NELL1: variants seen among roughly 807,000 people sequenced by gnomAD.
NELL1 encodes neural EGFL like 1.
A neutral mutation model predicts 107.4 loss-of-function variants in NELL1; 76 were observed. The ratio of observed to expected loss-of-function variants is 0.71; its 90% CI spans 0.59 to 0.86. The LOEUF (loss-of-function observed/expected upper bound fraction) is 0.86. Ranked by LOEUF, NELL1 falls within the 40% of genes least tolerant of loss-of-function variation. The pLI is 0.00. For synonymous variants in NELL1, 353 were observed against 341.2 expected (o/e 1.03, Z -0.38); for missense variants, 1,024 against 1,005.5 (o/e 1.02, Z -0.25).
rs188854485 is a variant in NELL1, at chr11:21,418,776, A to G, written c.1645+47828A>G. Among the ~76,000 whole-genome samples, 5 of 152,256 alleles carry G rather than the reference A, an allele frequency of 3.3e-5. No individual in the cohort carries two copies. In the East Asian group the frequency reaches 5.8e-4, roughly 18 times the overall value. On this transcript the variant is annotated intron_variant, in intron 15 of 19. Transcript: ENST00000357134. Reference sequence around the variant, plus strand: ...AAGCTTTAAAGCCATTGCATAGTTCAGCTACCTCCTTTTTAAAAATCTGTG... The same window carrying G: ...AAGCTTTAAAGCCATTGCATAGTTCGGCTACCTCCTTTTTAAAAATCTGTG...
chr11:20,845,796 G>A (rs1340357459), intron 3 of NELL1, among the ~76,000 whole-genome samples: 1 of 151,958 alleles, frequency 6.6e-6, no homozygotes, highest in Admixed American at 6.6e-5. Flanking sequence ...TTTTTGGGGG[G>A]GCCGTGGGGA....
intron 3 of NELL1, among the ~76,000 whole-genome samples, chr11:20,813,428 ATAGT>A (rs1162548332): frequency 6.6e-6 from 1 of 151,952 alleles, no homozygotes; most frequent in South Asian, 2.1e-4. Flanking sequence ...CCCTGTAGAA[ATAGT>A]TAGTAGATAT....
At chr11:21,379,058 A>T (rs1851550896) in intron 15 of NELL1, among the ~76,000 whole-genome samples, 2 of 152,006 alleles carry the variant, frequency 1.3e-5, no homozygotes, top group African/African-American at 4.8e-5. Flanking sequence ...CCACTCAATT[A>T]ATCAGTTTTT....
intron 15 of NELL1, among the ~76,000 whole-genome samples, chr11:21,482,054 T>C (rs1854507603): frequency 6.6e-6 from 1 of 152,120 alleles, no homozygotes; most frequent in Non-Finnish European, 1.5e-5. Flanking sequence ...TGATAAATAA[T>C]AGAAATCTAC....
intron 12 of NELL1, among the ~76,000 whole-genome samples, chr11:21,010,605 C>G (rs1012793013): frequency 4.6e-5 from 7 of 152,074 alleles, no homozygotes; most frequent in African/African-American, 1.7e-4. Context: ...AGTGGTAATA[C>G]TCGCTGTCTA....
intron 14 of NELL1, among the ~76,000 whole-genome samples, chr11:21,370,544 A>G (rs1307606281): frequency 2.0e-5 from 3 of 152,062 alleles, no homozygotes. Flanking sequence ...TAGTTACTCA[A>G]TTTATTCTAT....
At chr11:20,683,472 C>G (rs1232471020) in intron 2 of NELL1, among the ~76,000 whole-genome samples, 1 of 151,992 alleles carries the variant, frequency 6.6e-6, no homozygotes, top group Non-Finnish European at 1.5e-5. Context: ...CTCCCACTCT[C>G]CCGCTGGAAG....
chr11:21,517,053 T>C (rs117745381), intron 15 of NELL1, among the ~76,000 whole-genome samples: 17,683 of 152,148 alleles, frequency 0.12, 1,148 homozygotes, highest in African/African-American at 0.16. Context: ...GCCCCCAAAG[T>C]GCTGGGATTA....
intron 7 of NELL1, among the ~76,000 whole-genome samples, chr11:20,923,641 T>C (rs541792331): frequency 2.0e-4 from 30 of 152,296 alleles, no homozygotes; most frequent in African/African-American, 6.3e-4. Flanking sequence ...TGTAATCCCA[T>C]TCTGACTTCA....
chr11:20,948,335 G>A (rs1851005778), intron 11 of NELL1, among the ~76,000 whole-genome samples: 2 of 151,964 alleles, frequency 1.3e-5, no homozygotes, highest in Non-Finnish European at 2.9e-5. Context: ...GTACAGGCAT[G>A]AGCCACCATG....
At chr11:21,308,440 T>C (rs1849656025) in intron 14 of NELL1, among the ~76,000 whole-genome samples, 1 of 152,020 alleles carries the variant, frequency 6.6e-6, no homozygotes, top group African/African-American at 2.4e-5. Context: ...TGCATTTCTT[T>C]CTCAATTTAA....
chr11:20,879,410 G>A (rs953842354), intron 4 of NELL1, among the ~76,000 whole-genome samples: 1 of 152,152 alleles, frequency 6.6e-6, no homozygotes, highest in Non-Finnish European at 1.5e-5. Flanking sequence ...CTTAAAAATA[G>A]GGCCTCTGCT....
At chr11:21,269,385 C>T (rs2133932642) in intron 14 of NELL1, among the ~76,000 whole-genome samples, 1 of 151,944 alleles carries the variant, frequency 6.6e-6, no homozygotes, top group Admixed American at 6.6e-5. Flanking sequence ...CTCACACACA[C>T]ACACACAGAG....
intron 2 of NELL1, among the ~76,000 whole-genome samples, chr11:20,781,646 A>C (rs1192858449): frequency 6.6e-6 from 1 of 152,202 alleles, no homozygotes; most frequent in Admixed American, 6.5e-5. Context: ...AAGAAGAAAA[A>C]AGTAAAAAGT....
intron 15 of NELL1, among the ~76,000 whole-genome samples, chr11:21,424,054 A>G (rs1311971639): frequency 1.3e-5 from 2 of 152,230 alleles, no homozygotes; most frequent in Admixed American, 1.3e-4. Flanking sequence ...ACCTAACTTT[A>G]TAACTTCAGG....
At chr11:20,696,093 G>T (rs1183105155) in intron 2 of NELL1, among the ~76,000 whole-genome samples, 2 of 152,058 alleles carry the variant, frequency 1.3e-5, no homozygotes, top group African/African-American at 4.8e-5. Flanking sequence ...AGTCTCTGAG[G>T]ATCTTTTGTA....
At chr11:21,574,533 G>A (rs964738517) in intron 19 of NELL1, among the ~76,000 whole-genome samples, 1 of 151,794 alleles carries the variant, frequency 6.6e-6, no homozygotes, top group Non-Finnish European at 1.5e-5. Flanking sequence ...GAGATTTTAT[G>A]CAAACCTTAC....
intron 13 of NELL1, among the ~76,000 whole-genome samples, chr11:21,161,385 A>G (rs1033153479): frequency 6.6e-6 from 1 of 152,120 alleles, no homozygotes. Flanking sequence ...AAAAATACAA[A>G]ACTTAGCTGG....
At chr11:21,223,437 T>C (rs188332497) in intron 13 of NELL1, among the ~76,000 whole-genome samples, 3 of 152,292 alleles carry the variant, frequency 2.0e-5, no homozygotes, top group Admixed American at 2.0e-4. Flanking sequence ...ATCCCTTTAC[T>C]TTTAGATGGT....
Sources: allele counts gnomAD v4.1 joint callset (sites outside exome capture counted in the v4.1 genomes callset), GRCh38; gene constraint gnomAD v4.1.1; transcripts MANE v1.5; gene names NCBI Gene and HGNC (gene_info 2026-07-23, HGNC 2026-07-21).